The following TMEM117 variants were observed in gnomAD, a reference collection of about 807,000 sequenced individuals.
The protein encoded by TMEM117 is transmembrane protein 117.
TMEM117 carries 27 observed loss-of-function variants against 52.4 expected under a neutral mutation model. The observed-to-expected ratio is 0.51, with a 90% confidence interval of 0.38 to 0.71. The LOEUF (loss-of-function observed/expected upper bound fraction) is 0.71, where lower values mean the gene tolerates loss of function less well. TMEM117 is among the 30% of genes least tolerant of loss of function. TMEM117 has a pLI of 0.00. For synonymous variants in TMEM117, 215 were observed against 206.3 expected, an observed-to-expected ratio of 1.04 and a Z score of -0.36; for missense variants, 556 against 630.5, an observed-to-expected ratio of 0.88 and a Z score of 1.26.
intron 5 of TMEM117, among the ~76,000 whole-genome samples, chr12:44,220,246 C>T (rs1949770800): frequency 6.6e-6 from 1 of 152,116 alleles, no homozygotes; most frequent in African/African-American, 2.4e-5. Context: ...GCTTGCTTTA[C>T]ATGTTTGCTA....
At chr12:43,915,156 CAA>C (rs1226819940) in intron 2 of TMEM117, among the ~76,000 whole-genome samples, 1 of 152,180 alleles carries the variant, frequency 6.6e-6, no homozygotes, top group Non-Finnish European at 1.5e-5. Flanking sequence ...TCCAGGTTCT[CAA>C]AGTCTAGGTC....
intron 4 of TMEM117, among the ~76,000 whole-genome samples, chr12:44,194,307 A>G (rs1330954782): frequency 1.3e-5 from 2 of 152,196 alleles, no homozygotes; most frequent in Non-Finnish European, 2.9e-5. Context: ...GTCAAATGGA[A>G]CTGAAATTCT....
intron 5 of TMEM117, among the ~76,000 whole-genome samples, chr12:44,266,972 T>C (rs1264068365): frequency 6.6e-6 from 1 of 152,106 alleles, no homozygotes; most frequent in Non-Finnish European, 1.5e-5. Flanking sequence ...GTTTTGCCTA[T>C]GTATATATCT....
intron 3 of TMEM117, among the ~76,000 whole-genome samples, chr12:44,140,661 A>G (rs11182425): frequency 0.016 from 2,454 of 152,236 alleles, 71 homozygotes; most frequent in African/African-American, 0.055. Flanking sequence ...AAGTGGAGAC[A>G]GTAGAAGCTG....
chr12:43,894,670 G>C (rs1944168145), intron 2 of TMEM117, among the ~76,000 whole-genome samples: 1 of 151,770 alleles, frequency 6.6e-6, no homozygotes, highest in African/African-American at 2.4e-5. Flanking sequence ...TCCTGCATTA[G>C]TTTGCTAAGG....
chr12:43,797,197 T>C, the TMEM117 span: 2 of 1,483,020 alleles, frequency 1.3e-6, no homozygotes, highest in South Asian at 2.6e-5. Flanking sequence ...AGAAACTTCA[T>C]AAAACTACAG....
chr12:44,139,281 G>A (rs1312693154), intron 3 of TMEM117, among the ~76,000 whole-genome samples: 3 of 152,104 alleles, frequency 2.0e-5, no homozygotes, highest in South Asian at 2.1e-4. Flanking sequence ...ATGACTAATA[G>A]ACTGAAGTGA....
intron 6 of TMEM117, among the ~76,000 whole-genome samples, chr12:44,373,517 G>A (rs893897666): frequency 2.0e-5 from 3 of 152,188 alleles, no homozygotes; most frequent in African/African-American, 7.2e-5. Context: ...TCACTGTCAG[G>A]ATAAACTTGA....
chr12:44,020,680 A>G (rs1393149281), intron 3 of TMEM117, among the ~76,000 whole-genome samples: 1 of 152,226 alleles, frequency 6.6e-6, no homozygotes, highest in Non-Finnish European at 1.5e-5. Flanking sequence ...CAATGATTCC[A>G]TAAACATTCT....
chr12:44,199,044 G>T (rs190925247), intron 4 of TMEM117, among the ~76,000 whole-genome samples: 8 of 152,260 alleles, frequency 5.3e-5, no homozygotes, highest in Middle Eastern at 6.8e-3. Context: ...GAGCCCTGTT[G>T]TTCACCTCAC....
At chr12:43,865,728 A>T (rs1399535429) in intron 2 of TMEM117, among the ~76,000 whole-genome samples, 2 of 149,370 alleles carry the variant, frequency 1.3e-5, no homozygotes, top group African/African-American at 5.1e-5. Context: ...AAAAAAACTA[A>T]TATAGACTCA....
intron 3 of TMEM117, among the ~76,000 whole-genome samples, chr12:44,082,669 G>C (rs1947501249): frequency 6.6e-6 from 1 of 151,944 alleles, no homozygotes; most frequent in South Asian, 2.1e-4. Flanking sequence ...AGCCTTTAAA[G>C]ACATTAAAAT....
At chr12:44,133,954 A>G (rs1347208727) in intron 3 of TMEM117, among the ~76,000 whole-genome samples, 10 of 152,132 alleles carry the variant, frequency 6.6e-5, no homozygotes, top group Non-Finnish European at 1.5e-4. Flanking sequence ...ACACTTTGTA[A>G]GAGACCTATA....
At chr12:44,314,159 A>ATCCT (rs1333426333) in intron 6 of TMEM117, among the ~76,000 whole-genome samples, 3 of 152,040 alleles carry the variant, frequency 2.0e-5, no homozygotes, top group Non-Finnish European at 4.4e-5. Context: ...TGGTAACAGG[A>ATCCT]TCCTTGTCTT....
intron 5 of TMEM117, among the ~76,000 whole-genome samples, chr12:44,251,102 A>T (rs1039717566): frequency 2.6e-5 from 4 of 152,200 alleles, no homozygotes; most frequent in African/African-American, 9.7e-5. Context: ...CTTGTCCAAG[A>T]TGCCGTGGTG....
At chr12:44,242,449 T>A (rs879664052) in intron 5 of TMEM117, among the ~76,000 whole-genome samples, 1 of 151,874 alleles carries the variant, frequency 6.6e-6, no homozygotes, top group Non-Finnish European at 1.5e-5. Flanking sequence ...TCCATCGTCA[T>A]CCCTGCAAAG....
chr12:44,035,897 G>T (rs1441339730), intron 3 of TMEM117, among the ~76,000 whole-genome samples: 2 of 152,200 alleles, frequency 1.3e-5, no homozygotes, highest in African/African-American at 4.8e-5. Context: ...CTGCAGGACT[G>T]CTGAGGGCCC....
At chr12:44,079,634 A>G (rs1947446690) in intron 3 of TMEM117, among the ~76,000 whole-genome samples, 1 of 152,184 alleles carries the variant, frequency 6.6e-6, no homozygotes. Flanking sequence ...GATAAGGCAG[A>G]TATGATTATC....
At chr12:43,927,801 G>A (rs927898059) in intron 2 of TMEM117, among the ~76,000 whole-genome samples, 1 of 151,870 alleles carries the variant, frequency 6.6e-6, no homozygotes, top group Non-Finnish European at 1.5e-5. Flanking sequence ...TGCATTCTTA[G>A]TCATATCTCT....
Sources: gnomAD v4.1 joint callset for allele counts (sites outside exome capture counted in the v4.1 genomes callset) on GRCh38, gnomAD v4.1.1 for gene constraint, MANE v1.5 for transcripts, NCBI Gene and HGNC (gene_info 2026-07-23, HGNC 2026-07-21) for gene names.